KCNH7: variants seen among roughly 807,000 people sequenced by gnomAD.
KCNH7 encodes the protein potassium voltage-gated channel subfamily H member 7, also known as voltage-gated inwardly rectifying potassium channel KCNH7.
In KCNH7, 49 loss-of-function variants were observed where a neutral mutation model predicts 120.8. That is an observed-to-expected ratio of 0.41 (90% CI 0.32 to 0.51). The LOEUF is 0.51. Among genes scored for constraint, KCNH7 ranks in the 20% least tolerant of loss-of-function variants. The probability of loss-of-function intolerance (pLI) is 0.38; values close to 1 mark genes in which losing one functional copy is unlikely to be tolerated. For synonymous variants in KCNH7, 547 were observed against 516.1 expected, an observed-to-expected ratio of 1.06 and a Z score of -0.81; for missense variants, 1,097 against 1,446.6, an observed-to-expected ratio of 0.76 and a Z score of 3.92.
intron 2 of KCNH7, among the ~76,000 whole-genome samples, chr2:162,543,667 G>A (rs763423038): frequency 6.6e-6 from 1 of 152,040 alleles, no homozygotes; most frequent in Non-Finnish European, 1.5e-5. Context: ...CCTAGAATTG[G>A]ACAGACTTGG....
chr2:162,376,305 T>C (rs75275514), intron 14 of KCNH7, among the ~76,000 whole-genome samples: 1,784 of 151,532 alleles, frequency 0.012, 17 homozygotes, highest in Middle Eastern at 0.021. Context: ...CTGTGTGCAA[T>C]GGAAGGAATC....
chr2:162,603,991 A>G (rs1574157857), intron 2 of KCNH7, among the ~76,000 whole-genome samples: 1 of 152,284 alleles, frequency 6.6e-6, no homozygotes, highest in African/African-American at 2.4e-5. Context: ...TGCAACTTCA[A>G]TTACTAAGGA....
intron 2 of KCNH7, among the ~76,000 whole-genome samples, chr2:162,747,601 A>G (rs1353139226): frequency 1.3e-5 from 2 of 152,166 alleles, no homozygotes; most frequent in Non-Finnish European, 2.9e-5. Context: ...TCCACCCAAT[A>G]GTCTAGTTCA....
chr2:162,746,501 C>T (rs1688320602), intron 2 of KCNH7, among the ~76,000 whole-genome samples: 2 of 152,076 alleles, frequency 1.3e-5, no homozygotes, highest in South Asian at 2.1e-4. Context: ...AACCAGAAAA[C>T]TCAAACTCAA....
intron 6 of KCNH7, among the ~76,000 whole-genome samples, chr2:162,473,727 A>G (rs1451206503): frequency 6.6e-6 from 1 of 152,244 alleles, no homozygotes; most frequent in Non-Finnish European, 1.5e-5. Flanking sequence ...GGGACCATAG[A>G]GAAATAACAA....
chr2:162,456,868 C>T (rs1023292699), intron 6 of KCNH7, among the ~76,000 whole-genome samples: 10 of 152,002 alleles, frequency 6.6e-5, no homozygotes, highest in African/African-American at 2.4e-4. Flanking sequence ...AAATATTCCT[C>T]CATACTCTCT....
At chr2:162,723,158 GT>G (rs1004007704) in intron 2 of KCNH7, among the ~76,000 whole-genome samples, 36 of 151,076 alleles carry the variant, frequency 2.4e-4, no homozygotes, top group African/African-American at 6.8e-4. Context: ...AGATGTATCT[GT>G]TCCTTTGGGC....
At chr2:162,568,997 G>T (rs1356714957) in intron 2 of KCNH7, among the ~76,000 whole-genome samples, 2 of 151,868 alleles carry the variant, frequency 1.3e-5, no homozygotes, top group African/African-American at 2.4e-5. Flanking sequence ...TCTCTTTTTT[G>T]GTTGTGTCTC....
chr2:162,567,359 G>A (rs1403091154), intron 2 of KCNH7, among the ~76,000 whole-genome samples: 1 of 151,918 alleles, frequency 6.6e-6, no homozygotes, highest in Non-Finnish European at 1.5e-5. Flanking sequence ...AGGCTAACAA[G>A]GTAAACACTC....
intron 14 of KCNH7, among the ~76,000 whole-genome samples, chr2:162,378,206 C>T (rs900487819): frequency 3.3e-5 from 5 of 152,210 alleles, no homozygotes; most frequent in Non-Finnish European, 7.3e-5. Flanking sequence ...TTCCCATTTA[C>T]ATTACTTTAG....
Position 162,438,771 on chromosome 2 carries a change from G to A in KCNH7, c.1555-3174C>T, listed in dbSNP as rs569555473. On this transcript the variant is annotated intron_variant, in intron 7 of 15. Coordinates refer to ENST00000332142, the MANE Select transcript of KCNH7 (RefSeq NM_033272.4). ...GGCATTCTTTGTTAGCTACAGTTGT[G>A]TATAACACATCTTGTAGATGATGCT... Among the ~76,000 whole-genome samples the A allele has an allele frequency of 2.0e-5, 3 of 152,206 alleles. No homozygotes were observed. The East Asian group carries it at 5.8e-4, about 29-fold the overall frequency.
At chr2:162,667,088 T>C (rs987736134) in intron 2 of KCNH7, among the ~76,000 whole-genome samples, 1 of 149,472 alleles carries the variant, frequency 6.7e-6, no homozygotes, top group Non-Finnish European at 1.5e-5. Flanking sequence ...GGCACAATCA[T>C]GGCCCACTGC....
chr2:162,523,670 T>C (rs1035159852), intron 3 of KCNH7, among the ~76,000 whole-genome samples: 14 of 151,832 alleles, frequency 9.2e-5, no homozygotes, highest in Admixed American at 3.3e-4. Flanking sequence ...AGACTACATA[T>C]AGGGATATTA....
rs1691383179 is a variant in KCNH7 at position 162,518,164 on chromosome 2, A to C, written c.464-6T>G. The C allele has an allele frequency of 1.2e-6, 2 of 1,603,136 alleles. No individual in the cohort carries two copies. Among genetic ancestry groups the C allele is most frequent in the African/African-American group, 2.7e-5 (2 of 74,338 alleles). On this transcript the variant is annotated splice_polypyrimidine_tract_variant and splice_region_variant and intron_variant, in intron 3 of 15. Transcript: ENST00000332142. ...TTTGAACCCAAAAAATTTCCCTATA[A>C]ATGGAGACAGGAGAGAGCATTATTA...
intron 2 of KCNH7, among the ~76,000 whole-genome samples, chr2:162,557,681 C>T (rs1483225102): frequency 1.3e-5 from 2 of 151,984 alleles, no homozygotes; most frequent in Admixed American, 6.6e-5. Context: ...ATATAATAAT[C>T]ACTATCACTT....
At chr2:162,604,097 C>T (rs2105958001) in intron 2 of KCNH7, among the ~76,000 whole-genome samples, 1 of 152,122 alleles carries the variant, frequency 6.6e-6, no homozygotes, top group Admixed American at 6.6e-5. Context: ...AGAGAAAGTT[C>T]TGTTTTATAC....
rs1573913554 is a variant in KCNH7, at chr2:162,399,038, C to T, written c.2407+1151G>A. On this transcript the variant is annotated intron_variant, in intron 10 of 15. Transcript: ENST00000332142. ...ACACAGCAGCAGGGAAAACAGACAA[C>T]ATCCCTGTCCTGTTGGAGAGAACCA... Among the ~76,000 whole-genome samples, 4 of 151,854 alleles carry T rather than the reference C, an allele frequency of 2.6e-5. No individual in the cohort carries two copies. In the East Asian group the frequency reaches 7.8e-4, roughly 29 times the overall value.
At chr2:162,808,468 C>T (rs1042934545) in intron 2 of KCNH7, among the ~76,000 whole-genome samples, 4 of 152,042 alleles carry the variant, frequency 2.6e-5, no homozygotes, top group Admixed American at 6.6e-5. Context: ...CAGAAGAAAG[C>T]GTTACTTTTG....
At chr2:162,756,329 T>C (rs527428336) in intron 2 of KCNH7, among the ~76,000 whole-genome samples, 40 of 152,330 alleles carry the variant, frequency 2.6e-4, no homozygotes, top group African/African-American at 8.7e-4. Context: ...ACTAATGGAA[T>C]GGCTGCTATA....
Sources: allele counts gnomAD v4.1 joint callset (sites outside exome capture counted in the v4.1 genomes callset), GRCh38; gene constraint gnomAD v4.1.1; transcripts MANE v1.5; gene names NCBI Gene and HGNC (gene_info 2026-07-23, HGNC 2026-07-21).